Variants in TMEM232 observed in about 807,000 individuals in gnomAD.
The protein encoded by TMEM232 is transmembrane protein 232.
In TMEM232, 80 loss-of-function variants were observed where a neutral mutation model predicts 78.8. That is an observed-to-expected ratio of 1.01 (90% CI 0.85 to 1.22). The LOEUF (loss-of-function observed/expected upper bound fraction) is 1.22, where lower values mean the gene tolerates loss of function less well. TMEM232 is among the 50% of genes most tolerant of loss of function. The pLI is 0.00. For missense variants in TMEM232, 881 were observed against 742.2 expected, an observed-to-expected ratio of 1.19 and a Z score of -2.17; for synonymous variants, 297 against 254.3, an observed-to-expected ratio of 1.17 and a Z score of -1.60.
intron 12 of TMEM232, among the ~76,000 whole-genome samples, chr5:110,473,834 T>C (rs1457919264): frequency 1.2e-4 from 14 of 118,238 alleles, no homozygotes; most frequent in Non-Finnish European, 1.8e-4. Flanking sequence ...TTCTATGATA[T>C]GCAATAACAT....
At chr5:110,598,105 A>C (rs1231316306) in intron 10 of TMEM232, among the ~76,000 whole-genome samples, 1 of 152,186 alleles carries the variant, frequency 6.6e-6, no homozygotes, top group African/African-American at 2.4e-5. Context: ...AATTTTCGCA[A>C]CCTACTCATC....
intron 10 of TMEM232, among the ~76,000 whole-genome samples, chr5:110,582,136 G>A (rs1335768946): frequency 5.9e-5 from 9 of 151,870 alleles, no homozygotes; most frequent in African/African-American, 2.2e-4. Flanking sequence ...ACTATGATTC[G>A]ACTCAGCAAT....
At chr5:110,656,214 G>A (rs983325951) in intron 2 of TMEM232, among the ~76,000 whole-genome samples, 1 of 152,038 alleles carries the variant, frequency 6.6e-6, no homozygotes, top group Admixed American at 6.6e-5. Flanking sequence ...CCCAATCAAC[G>A]TTTGCCAAAT....
At chr5:110,685,131 A>G (rs1793235512) in intron 1 of TMEM232, among the ~76,000 whole-genome samples, 1 of 152,152 alleles carries the variant, frequency 6.6e-6, no homozygotes, top group Non-Finnish European at 1.5e-5. Context: ...GCTCAAAAAA[A>G]GAAATAACAA....
intron 2 of TMEM232, among the ~76,000 whole-genome samples, chr5:110,398,434 C>T (rs1323412609): frequency 6.6e-6 from 1 of 152,060 alleles, no homozygotes; most frequent in Admixed American, 6.6e-5. Flanking sequence ...CTGTAGATGC[C>T]CAAAAGTGCT....
chr5:110,596,793 G>A (rs965582166), intron 10 of TMEM232, among the ~76,000 whole-genome samples: 12 of 152,022 alleles, frequency 7.9e-5, no homozygotes, highest in Non-Finnish European at 1.3e-4. Context: ...ATGCAGAAAA[G>A]GCCTTTGACA....
chr5:110,585,709 T>TGACA (rs1778730576), intron 10 of TMEM232, among the ~76,000 whole-genome samples: 1 of 152,072 alleles, frequency 6.6e-6, no homozygotes, highest in Non-Finnish European at 1.5e-5. Flanking sequence ...GAGCTCTGGG[T>TGACA]GACAGCTCAA....
At chr5:110,659,219 G>T (rs1343858086) in intron 2 of TMEM232, among the ~76,000 whole-genome samples, 1 of 152,048 alleles carries the variant, frequency 6.6e-6, no homozygotes, top group Non-Finnish European at 1.5e-5. Context: ...GTTTCCTTTA[G>T]GATTATCGGT....
chr5:110,406,355 C>T (rs1755794457), intron 2 of TMEM232, among the ~76,000 whole-genome samples: 1 of 150,554 alleles, frequency 6.6e-6, no homozygotes, highest in Admixed American at 6.7e-5. Context: ...TGTTAATGGA[C>T]ATTTAGGTTG....
chr5:110,430,326 C>T lies in TMEM232; in HGVS notation c.1704-5410G>A, dbSNP rs1048753605. 3.3e-5 allele frequency among the ~76,000 whole-genome samples: 5 copies of T among 151,126 alleles called. No homozygotes were observed. The East Asian group carries it at 7.8e-4, about 23-fold the overall frequency. The stretch of plus-strand genomic sequence containing the variant: ...TCAATCATATTATGTATTGAAGTTG[C>T]ACCTACCATCTCCAATACTTAGACG... On this transcript the variant is annotated intron_variant, in intron 12 of 13. Transcript: ENST00000455884.
chr5:110,407,993 A>T (rs913015233), intron 2 of TMEM232, among the ~76,000 whole-genome samples: 3 of 152,118 alleles, frequency 2.0e-5, no homozygotes, highest in Non-Finnish European at 4.4e-5. Context: ...GGGTCAATGA[A>T]ATAATTACGA....
intron 2 of TMEM232, among the ~76,000 whole-genome samples, chr5:110,403,833 G>T (rs944111187): frequency 6.6e-6 from 1 of 151,916 alleles, no homozygotes; most frequent in African/African-American, 2.4e-5. Context: ...TGTGTGGGGT[G>T]GGGTGGGGAG....
In TMEM232 at chr5:110,506,901, T is replaced by A. The variant is rs138563885; in HGVS notation, c.1703+21687A>T. The stretch of plus-strand genomic sequence containing the variant: ...ATTCTCCAAAAAAAAGCAATTATAT[T>A]TTTCTTTTTTTCTGTCTTCCAGCCA... On this transcript the variant is annotated intron_variant, in intron 12 of 13. Transcript: ENST00000455884. 7.9e-4 allele frequency among the ~76,000 whole-genome samples: 120 copies of A among 152,286 alleles called. 1 individual carries two copies. In the East Asian group the frequency reaches 0.02, roughly 25 times the overall value.
intron 12 of TMEM232, among the ~76,000 whole-genome samples, chr5:110,489,253 A>T (rs182211137): frequency 6.6e-6 from 1 of 151,932 alleles, no homozygotes; most frequent in Admixed American, 6.6e-5. Flanking sequence ...TAAATATAGA[A>T]ATAAAAATCT....
At chr5:110,472,430 T>C (rs1490778593) in intron 12 of TMEM232, among the ~76,000 whole-genome samples, 2 of 151,978 alleles carry the variant, frequency 1.3e-5, no homozygotes, top group Non-Finnish European at 1.5e-5. Flanking sequence ...CCTGTGTATA[T>C]GCAGTGGAAG....
intron 7 of TMEM232, among the ~76,000 whole-genome samples, chr5:110,622,560 AT>A (rs1346096777): frequency 2.0e-5 from 3 of 152,052 alleles, no homozygotes; most frequent in African/African-American, 7.2e-5. Context: ...CATGGTGTAT[AT>A]GTGCCACATT....
chr5:110,663,529 A>G (rs1007306100), intron 2 of TMEM232, among the ~76,000 whole-genome samples: 2 of 151,870 alleles, frequency 1.3e-5, no homozygotes, highest in Non-Finnish European at 2.9e-5. Flanking sequence ...GACAATACCC[A>G]TATGAAAAAA....
At chr5:110,737,495 A>G (rs1247863457) in intron 1 of TMEM232, among the ~76,000 whole-genome samples, 1 of 152,190 alleles carries the variant, frequency 6.6e-6, no homozygotes, top group Non-Finnish European at 1.5e-5. Context: ...GTTTTATATC[A>G]CTTCAGAAAT....
chr5:110,558,732 A>G (rs1315636955), intron 11 of TMEM232, among the ~76,000 whole-genome samples: 1 of 152,158 alleles, frequency 6.6e-6, no homozygotes, highest in Non-Finnish European at 1.5e-5. Flanking sequence ...CACTACAGCC[A>G]TTCCCACACC....
Sources: gnomAD v4.1 joint callset for allele counts (sites outside exome capture counted in the v4.1 genomes callset) on GRCh38, gnomAD v4.1.1 for gene constraint, MANE v1.5 for transcripts, NCBI Gene and HGNC (gene_info 2026-07-23, HGNC 2026-07-21) for gene names.